ROBO2: variants seen among roughly 807,000 people sequenced by gnomAD.
ROBO2 encodes the protein roundabout guidance receptor 2, also known as roundabout homolog 2.
Under a neutral mutation model 160.8 loss-of-function variants are expected in ROBO2, and 53 were observed. The observed-to-expected ratio is 0.33, with a 90% CI of 0.26 to 0.41. The LOEUF is 0.41. ROBO2 is among the 10% of genes least tolerant of loss of function. ROBO2 has a pLI of 1.00. For synonymous variants in ROBO2, 664 were observed against 611.7 expected, an observed-to-expected ratio of 1.09 and a Z score of -1.26; for missense variants, 1,577 against 1,722.4, an observed-to-expected ratio of 0.92 and a Z score of 1.49.
intron 2 of ROBO2, among the ~76,000 whole-genome samples, chr3:76,123,308 T>C (rs2070829872): frequency 6.6e-6 from 1 of 152,116 alleles, no homozygotes; most frequent in South Asian, 2.1e-4. Flanking sequence ...ATTTTACATA[T>C]CCTATCGAAA....
At chr3:76,381,079 T>C (rs952526046) in intron 2 of ROBO2, among the ~76,000 whole-genome samples, 12 of 149,054 alleles carry the variant, frequency 8.1e-5, no homozygotes, top group African/African-American at 3.0e-4. Flanking sequence ...TTTCAAAGTG[T>C]TTGAAAGGAT....
chr3:76,860,483 CTTTTTTG>C (rs2070644657), intron 2 of ROBO2, among the ~76,000 whole-genome samples: 1 of 152,050 alleles, frequency 6.6e-6, no homozygotes, highest in African/African-American at 2.4e-5. Flanking sequence ...TCCTTTGGGT[CTTTTTTG>C]TTTTTTGTTT....
intron 2 of ROBO2, among the ~76,000 whole-genome samples, chr3:76,564,461 G>A (rs549988170): frequency 6.6e-6 from 1 of 151,696 alleles, no homozygotes; most frequent in African/African-American, 2.4e-5. Flanking sequence ...CAATGACCCT[G>A]TTGTAACATG....
intron 4 of ROBO2, among the ~76,000 whole-genome samples, chr3:77,492,889 T>C (rs1026747501): frequency 2.6e-5 from 4 of 152,192 alleles, no homozygotes; most frequent in African/African-American, 9.6e-5. Context: ...ACCCTGATAA[T>C]AGATTATTGT....
chr3:76,603,346 AAAAAAATATATATATATATATATAT>A (rs1437410090), intron 2 of ROBO2, among the ~76,000 whole-genome samples: 1 of 56,974 alleles, frequency 1.8e-5, no homozygotes, highest in African/African-American at 6.6e-5. Context: ...AAAAAAAAAA[AAAAAAATATATATATATATATATAT>A]ATATATATAT....
intron 2 of ROBO2, among the ~76,000 whole-genome samples, chr3:76,146,550 T>TCAAAA (rs1263648242): frequency 2.6e-5 from 4 of 151,836 alleles, no homozygotes; most frequent in Non-Finnish European, 5.9e-5. Flanking sequence ...AACCCCATTT[T>TCAAAA]GATTATCTTA....
At chr3:77,644,535 C>A (rs1345020631) in intron 24 of ROBO2, among the ~76,000 whole-genome samples, 169 bp from the exon 27 acceptor site, 2 of 152,096 alleles carry the variant, frequency 1.3e-5, no homozygotes, top group African/African-American at 4.8e-5. Context: ...ATGTTGCTTG[C>A]ACATAGAAAT....
intron 19 of ROBO2, among the ~76,000 whole-genome samples, chr3:77,598,867 A>C (rs998537779): frequency 3.3e-5 from 5 of 152,186 alleles, no homozygotes; most frequent in South Asian, 2.1e-4. Context: ...CAATGAAGGA[A>C]TAGCTGACTC....
chr3:76,705,690 C>T (rs761028626), intron 2 of ROBO2, among the ~76,000 whole-genome samples: 2 of 152,124 alleles, frequency 1.3e-5, no homozygotes, highest in Admixed American at 6.6e-5. Flanking sequence ...TGCATTCAAC[C>T]GAAATATTAT....
intron 2 of ROBO2, among the ~76,000 whole-genome samples, chr3:76,919,899 A>G (rs997860507): frequency 1.3e-5 from 2 of 152,190 alleles, no homozygotes; most frequent in Admixed American, 1.3e-4. Flanking sequence ...TGTCTAAGCA[A>G]TTAACTTTTC....
At chr3:76,054,539 C>T (rs1261993287) in intron 2 of ROBO2, among the ~76,000 whole-genome samples, 2 of 152,160 alleles carry the variant, frequency 1.3e-5, no homozygotes, top group South Asian at 2.1e-4. Flanking sequence ...AAGTTTACTG[C>T]CTTCTTGTTT....
At chr3:76,249,617 G>A (rs954857688) in intron 2 of ROBO2, among the ~76,000 whole-genome samples, 4 of 152,122 alleles carry the variant, frequency 2.6e-5, no homozygotes, top group African/African-American at 9.7e-5. Flanking sequence ...AGTGCTTTTA[G>A]CTATGCCATG....
chr3:76,004,768 A>T (rs1281667393), intron 2 of ROBO2, among the ~76,000 whole-genome samples: 1 of 152,242 alleles, frequency 6.6e-6, no homozygotes, highest in East Asian at 1.9e-4. Context: ...TTGAATCTAT[A>T]GAACAAGGGA....
At chr3:76,842,693 C>T (rs1246115766) in intron 2 of ROBO2, among the ~76,000 whole-genome samples, 1 of 152,014 alleles carries the variant, frequency 6.6e-6, no homozygotes, top group Non-Finnish European at 1.5e-5. Flanking sequence ...AATCATGAAA[C>T]GTGGTTTATA....
intron 2 of ROBO2, among the ~76,000 whole-genome samples, chr3:76,153,168 T>C (rs2072273879): frequency 6.6e-6 from 1 of 152,168 alleles, no homozygotes; most frequent in Non-Finnish European, 1.5e-5. Context: ...AGAGATAATG[T>C]CTATTATTAT....
intron 2 of ROBO2, among the ~76,000 whole-genome samples, chr3:76,720,527 G>A (rs1156562857): frequency 6.6e-6 from 1 of 152,190 alleles, no homozygotes; most frequent in East Asian, 1.9e-4. Flanking sequence ...AACAAAAAAA[G>A]AGATGGAGAT....
At chr3:77,012,085 CTTAGGT>C (rs1365625765) in intron 2 of ROBO2, among the ~76,000 whole-genome samples, 2 of 152,050 alleles carry the variant, frequency 1.3e-5, no homozygotes, top group African/African-American at 4.8e-5. Context: ...AGTCAAGCAA[CTTAGGT>C]AATTTGTCCA....
intron 2 of ROBO2, among the ~76,000 whole-genome samples, chr3:77,395,168 T>G (rs1277751861): frequency 6.6e-6 from 1 of 152,182 alleles, no homozygotes; most frequent in Non-Finnish European, 1.5e-5. Context: ...TAATTTCCTA[T>G]TATGATAGAT....
At position 76,413,904 on chromosome 3, in the gene ROBO2, T is replaced by C. The variant is rs542458864; in HGVS notation, c.109+476302T>C. ...TTACTGTATTACTCCATTTTCATGC[T>C]GCTGATAAAGACATACCCAAGACTG... On this transcript the variant is annotated intron_variant, in intron 2 of 26. Transcript: ENST00000487694. Among the ~76,000 whole-genome samples, 10 of 150,376 alleles carry C rather than the reference T, an allele frequency of 6.7e-5. No homozygotes were observed. In the East Asian group the frequency reaches 1.9e-3, roughly 29 times the overall value.
Sources: gnomAD v4.1 joint callset for allele counts (sites outside exome capture counted in the v4.1 genomes callset) on GRCh38, gnomAD v4.1.1 for gene constraint, MANE v1.5 for transcripts, NCBI Gene and HGNC (gene_info 2026-07-23, HGNC 2026-07-21) for gene names.